TRABD2B: variants seen among roughly 807,000 people sequenced by gnomAD.
TRABD2B encodes TraB domain containing 2B, also known as metalloprotease TIKI2.
TRABD2B carries 14 observed loss-of-function variants against 40.1 expected under a neutral mutation model. The ratio of observed to expected loss-of-function variants is 0.35; its 90% CI spans 0.23 to 0.55. The LOEUF (loss-of-function observed/expected upper bound fraction) is 0.55, where lower values mean the gene tolerates loss of function less well. Ranked by LOEUF, TRABD2B falls within the 20% of genes least tolerant of loss-of-function variation. The probability of loss-of-function intolerance (pLI) is 0.90; values close to 1 mark genes in which losing one functional copy is unlikely to be tolerated. For synonymous variants in TRABD2B, 263 were observed against 277.0 expected (o/e 0.95, Z 0.50); for missense variants, 541 against 648.6 (o/e 0.83, Z 1.80).
intron 4 of TRABD2B, among the ~76,000 whole-genome samples, chr1:47,785,335 G>A (rs1265444014): frequency 6.6e-6 from 1 of 152,218 alleles, no homozygotes; most frequent in Non-Finnish European, 1.5e-5. Context: ...GGGTCGAAGA[G>A]CACTTGTCAG....
At chr1:47,900,665 A>C (rs1644587974) in intron 2 of TRABD2B, among the ~76,000 whole-genome samples, 1 of 152,106 alleles carries the variant, frequency 6.6e-6, no homozygotes, top group Non-Finnish European at 1.5e-5. Flanking sequence ...TATGTTTGCT[A>C]AATGAACGAA....
At chr1:47,937,673 A>G (rs1482030573) in intron 2 of TRABD2B, among the ~76,000 whole-genome samples, 2 of 151,798 alleles carry the variant, frequency 1.3e-5, no homozygotes, top group Non-Finnish European at 2.9e-5. Flanking sequence ...TGTCACAGGT[A>G]AGAGACCCAA....
chr1:47,836,379 C>T (rs1645318575), intron 2 of TRABD2B, among the ~76,000 whole-genome samples: 1 of 152,222 alleles, frequency 6.6e-6, no homozygotes, highest in African/African-American at 2.4e-5. Flanking sequence ...GGTGGCCTGG[C>T]CTGAATCTTG....
intron 2 of TRABD2B, among the ~76,000 whole-genome samples, chr1:47,937,880 C>T (rs576541036): frequency 6.6e-6 from 1 of 152,310 alleles, no homozygotes; most frequent in South Asian, 2.1e-4. Context: ...ATGCTCCAGA[C>T]TCAGTGAAGG....
At chr1:47,828,258 C>T (rs962612840) in intron 2 of TRABD2B, among the ~76,000 whole-genome samples, 5 of 152,172 alleles carry the variant, frequency 3.3e-5, no homozygotes, top group Non-Finnish European at 5.9e-5. Flanking sequence ...CCCTCGCTGG[C>T]TGGTCCTTGG....
intron 2 of TRABD2B, among the ~76,000 whole-genome samples, chr1:47,857,520 C>T (rs190899092): frequency 1.8e-3 from 276 of 152,264 alleles, no homozygotes; most frequent in African/African-American, 6.0e-3. Flanking sequence ...GCCCCCTTCT[C>T]AGTACCTACC....
intron 2 of TRABD2B, among the ~76,000 whole-genome samples, chr1:47,804,589 C>T (rs1203578214): frequency 2.0e-5 from 3 of 152,172 alleles, no homozygotes; most frequent in Non-Finnish European, 2.9e-5. Flanking sequence ...GGACCTTGCT[C>T]GACTCACAGA....
chr1:47,777,715 C>T (rs1198307691), intron 5 of TRABD2B, among the ~76,000 whole-genome samples: 2 of 152,208 alleles, frequency 1.3e-5, no homozygotes, highest in East Asian at 3.9e-4. Flanking sequence ...GGTCTTTATG[C>T]TGGAGCACGA....
chr1:47,780,597 A>G (rs1644507915), intron 4 of TRABD2B, among the ~76,000 whole-genome samples: 1 of 152,126 alleles, frequency 6.6e-6, no homozygotes, highest in Non-Finnish European at 1.5e-5. Flanking sequence ...GGAGGCCTCT[A>G]AGCCAGCCTG....
At chr1:47,990,807 ATATATATATATATATATATATATATAT>A (rs1645997354) in intron 2 of TRABD2B, among the ~76,000 whole-genome samples, 1 of 76,194 alleles carries the variant, frequency 1.3e-5, no homozygotes, top group Middle Eastern at 5.2e-3. Flanking sequence ...ATATATATAT[ATATATATATATATATATATATATATAT>A]AAAACGTTGG....
intron 2 of TRABD2B, among the ~76,000 whole-genome samples, chr1:47,979,400 T>C (rs1329741421): frequency 6.6e-6 from 1 of 152,120 alleles, no homozygotes. Flanking sequence ...GACAATAACA[T>C]TTAAAATGCC....
intron 2 of TRABD2B, among the ~76,000 whole-genome samples, chr1:47,834,577 G>GCACACACACACACACACA (rs1553156380): frequency 2.1e-5 from 3 of 142,480 alleles, no homozygotes; most frequent in East Asian, 2.0e-4. Context: ...ACACACACAC[G>GCACACACACACACACACA]CGCACACACA....
chr1:47,990,244 T>C (rs930698438), intron 2 of TRABD2B, among the ~76,000 whole-genome samples: 10 of 152,198 alleles, frequency 6.6e-5, no homozygotes, highest in Non-Finnish European at 1.0e-4. Context: ...CACAGAACCA[T>C]GTAACTTTGA....
intron 2 of TRABD2B, among the ~76,000 whole-genome samples, chr1:47,953,288 T>A (rs1228961493): frequency 6.6e-6 from 1 of 152,150 alleles, no homozygotes; most frequent in African/African-American, 2.4e-5. Context: ...ACAGCATAAA[T>A]GGAACACATA....
intron 2 of TRABD2B, among the ~76,000 whole-genome samples, chr1:47,973,568 C>T (rs1347241115): frequency 1.3e-5 from 2 of 152,158 alleles, no homozygotes; most frequent in Admixed American, 1.3e-4. Flanking sequence ...AATGGCACCA[C>T]CATGGACCAA....
intron 2 of TRABD2B, among the ~76,000 whole-genome samples, chr1:47,826,565 T>A (rs1297020701): frequency 6.6e-6 from 1 of 151,916 alleles, no homozygotes; most frequent in Non-Finnish European, 1.5e-5. Context: ...CTAGGAGCCA[T>A]TTTTTTGGTG....
chr1:47,913,465 G>A (rs1342449734), intron 2 of TRABD2B, among the ~76,000 whole-genome samples: 1 of 152,178 alleles, frequency 6.6e-6, no homozygotes, highest in Non-Finnish European at 1.5e-5. Flanking sequence ...AGGAAACCCA[G>A]CTCACTGTTT....
intron 2 of TRABD2B, among the ~76,000 whole-genome samples, chr1:47,928,749 T>C (rs935468209): frequency 3.3e-5 from 5 of 152,238 alleles, no homozygotes; most frequent in Admixed American, 6.5e-5. Context: ...CTCAGTAAGA[T>C]TGATGAATGC....
chr1:47,916,565 A>C (rs1644832446), intron 2 of TRABD2B, among the ~76,000 whole-genome samples: 1 of 152,230 alleles, frequency 6.6e-6, no homozygotes, highest in Non-Finnish European at 1.5e-5. Flanking sequence ...GAGGTCAAGT[A>C]CAGGTGGAGG....
Sources: gnomAD v4.1 joint callset for allele counts (sites outside exome capture counted in the v4.1 genomes callset) on GRCh38, gnomAD v4.1.1 for gene constraint, MANE v1.5 for transcripts, NCBI Gene and HGNC (gene_info 2026-07-23, HGNC 2026-07-21) for gene names.